The following CCDC57 variants were observed in gnomAD, a reference collection of about 807,000 sequenced individuals.
CCDC57 encodes the protein coiled-coil domain-containing protein 57.
Under a neutral mutation model 118.9 loss-of-function variants are expected in CCDC57, and 118 were observed. The observed-to-expected ratio is 0.99, with a 90% CI of 0.86 to 1.16. CCDC57 has a LOEUF of 1.16. Ranked by LOEUF, CCDC57 falls within the 50% of genes most tolerant of loss-of-function variation. The pLI, the probability that CCDC57 is intolerant of heterozygous loss-of-function variation, is 0.00. For missense variants in CCDC57, 1,300 were observed against 1,320.7 expected, an observed-to-expected ratio of 0.98 and a Z score of 0.24; for synonymous variants, 527 against 532.9, an observed-to-expected ratio of 0.99 and a Z score of 0.15.
chr17:82,160,137 G>A (rs34795957), intron 14 of CCDC57: 71,136 of 152,114 alleles, frequency 0.47, 17,458 homozygotes, highest in East Asian at 0.88. Context: ...CAGGGAAGGC[G>A]TGGTTTATGT....
chr17:82,116,485 C>T (rs1286948301), intron 19 of CCDC57, among the ~76,000 whole-genome samples: 2 of 152,138 alleles, frequency 1.3e-5, no homozygotes, highest in Admixed American at 6.5e-5. Context: ...TCTTCCCCAC[C>T]CCCACAGCAC....
chr17:82,119,963 C>G (rs2036450843), intron 19 of CCDC57, among the ~76,000 whole-genome samples: 1 of 152,122 alleles, frequency 6.6e-6, no homozygotes, highest in Non-Finnish European at 1.5e-5. Flanking sequence ...GGGGTGACTG[C>G]TGGGTCTGGA....
chr17:82,198,402 T>G (rs750705667), exon 4 of CCDC57: 1 of 1,610,834 alleles, frequency 6.2e-7, no homozygotes, highest in Non-Finnish European at 8.5e-7. Context: ...CCGGTGGTGG[T>G]CAATCTCACC....
At chr17:82,194,951 C>T (rs993766441) in intron 5 of CCDC57, among the ~76,000 whole-genome samples, 1 of 152,254 alleles carries the variant, frequency 6.6e-6, no homozygotes, top group African/African-American at 2.4e-5. Flanking sequence ...CGAGACTCAG[C>T]TCTTGCTTTT....
chr17:82,155,199 TAAG>T, intron 15 of CCDC57: 1 of 152,382 alleles, frequency 6.6e-6, no homozygotes, highest in Middle Eastern at 3.4e-3. Context: ...CCCTTGGAAA[TAAG>T]AAGTCACGTG....
intron 2 of CCDC57, among the ~76,000 whole-genome samples, chr17:82,206,168 T>C (rs2049611981): frequency 6.6e-6 from 1 of 152,238 alleles, no homozygotes; most frequent in Admixed American, 6.5e-5. Context: ...TGGGGCTCCC[T>C]GAACCAGCCA....
At chr17:82,129,030 T>C (rs1291287740) in intron 17 of CCDC57, among the ~76,000 whole-genome samples, 5 of 152,108 alleles carry the variant, frequency 3.3e-5, no homozygotes, top group African/African-American at 1.2e-4. Context: ...GTGATTCTCC[T>C]GTCTCAGCCT....
At chr17:82,164,378 C>G (rs2043726711) in intron 13 of CCDC57, among the ~76,000 whole-genome samples, 1 of 151,526 alleles carries the variant, frequency 6.6e-6, no homozygotes, top group Non-Finnish European at 1.5e-5. Flanking sequence ...GAGACTCTGT[C>G]TCAAAAAAAA....
intron 11 of CCDC57, among the ~76,000 whole-genome samples, chr17:82,174,881 C>A (rs1364848989): frequency 6.6e-6 from 1 of 152,206 alleles, no homozygotes; most frequent in Non-Finnish European, 1.5e-5. Context: ...GTTAATCAAG[C>A]CCCTTCCTCA....
At chr17:82,147,534 T>C (rs550915453) in intron 16 of CCDC57, among the ~76,000 whole-genome samples, 21 of 146,610 alleles carry the variant, frequency 1.4e-4, no homozygotes, top group Admixed American at 8.1e-4. Flanking sequence ...GGTGGACGGA[T>C]GGATGGATAC....
chr17:82,138,383 C>T (rs573894445), intron 16 of CCDC57, among the ~76,000 whole-genome samples: 3 of 151,696 alleles, frequency 2.0e-5, no homozygotes, highest in African/African-American at 2.4e-5. Flanking sequence ...CTCCTGACCT[C>T]GTGATCTACC....
intron 15 of CCDC57, chr17:82,154,493 C>G (rs1012700734): frequency 1.3e-5 from 2 of 152,528 alleles, no homozygotes; most frequent in Non-Finnish European, 2.9e-5. Flanking sequence ...GTACACAATA[C>G]GTGACCTGGT....
intron 16 of CCDC57, among the ~76,000 whole-genome samples, chr17:82,148,653 T>G (rs1397513584): frequency 1.2e-5 from 1 of 80,474 alleles, no homozygotes; most frequent in African/African-American, 4.8e-5. Flanking sequence ...GGTGGGTGAA[T>G]AGATGAATGA....
Position 82,128,330 on chromosome 17 carries a change from C to T in CCDC57, c.2682+163G>A, listed in dbSNP as rs145038744. On this transcript the variant is annotated intron_variant, in intron 18 of 19. Transcript: ENST00000665763. ...CACCCTTGTGGGACCACCCGGCAAA[C>T]GCTCTGCAGCTCACCCTGCCATTGT... is the stretch of plus-strand genomic sequence containing the variant. 4.8e-3 allele frequency among the ~76,000 whole-genome samples: 729 copies of T among 152,312 alleles called. 2 individuals carry two copies. Among genetic ancestry groups the T allele is most frequent in the Middle Eastern group, 0.01 (3 of 294 alleles).
chr17:82,159,703 G>C (rs1355090328), intron 14 of CCDC57, among the ~76,000 whole-genome samples: 1 of 143,162 alleles, frequency 7.0e-6, no homozygotes, highest in Non-Finnish European at 1.5e-5. Context: ...ACGGAGTCTT[G>C]CTCTGTCGCC....
rs145951096 is a variant in CCDC57, at chr17:82,143,707, A to G, written c.2455+7853T>C. 8.6e-3 allele frequency among the ~76,000 whole-genome samples: 1,310 copies of G among 152,330 alleles called. 10 individuals carry two copies. The highest frequency in any genetic ancestry group is 0.017 in the Middle Eastern group (5 of 294). Reference sequence around the variant, plus strand: ...AATTTGGTCCTAAAATTTAAAAAACATACAGATTCCTGAGCAGGATTCAGG... The same window carrying G: ...AATTTGGTCCTAAAATTTAAAAAACGTACAGATTCCTGAGCAGGATTCAGG... On this transcript the variant is annotated intron_variant, in intron 16 of 19. Coordinates refer to ENST00000665763, the Ensembl canonical transcript of CCDC57.
At chr17:82,160,819 AG>A (rs2043224202) in intron 14 of CCDC57, among the ~76,000 whole-genome samples, 1 of 144,294 alleles carries the variant, frequency 6.9e-6, no homozygotes, top group Admixed American at 7.4e-5. Flanking sequence ...GGTTGCAGTC[AG>A]CCGAGATCAC....
chr17:82,150,109 A>AGGCGCACACCCC, intron 16 of CCDC57, among the ~76,000 whole-genome samples: 1 of 140,248 alleles, frequency 7.1e-6, no homozygotes, highest in Non-Finnish European at 1.6e-5. Context: ...ACCCACACCC[A>AGGCGCACACCCC]GAACCAGGCG....
At chr17:82,184,542 T>C (rs1449002992) in intron 8 of CCDC57, among the ~76,000 whole-genome samples, 2 of 152,216 alleles carry the variant, frequency 1.3e-5, no homozygotes, top group Non-Finnish European at 2.9e-5. Flanking sequence ...AGTACTAACC[T>C]AGGCAAGATG....
Sources: gnomAD v4.1 joint callset for allele counts (sites outside exome capture counted in the v4.1 genomes callset) on GRCh38, gnomAD v4.1.1 for gene constraint, MANE v1.5 for transcripts, NCBI Gene and HGNC (gene_info 2026-07-23, HGNC 2026-07-21) for gene names.